RSU1: variants seen among roughly 807,000 people sequenced by gnomAD.
The protein encoded by RSU1 is Ras suppressor protein 1.
Under a neutral mutation model 31.1 loss-of-function variants are expected in RSU1, and 26 were observed. That is an observed-to-expected ratio of 0.84 (90% CI 0.61 to 1.16). The LOEUF is 1.16. Ranked by LOEUF, RSU1 falls within the 50% of genes most tolerant of loss-of-function variation. The pLI is 0.00. For synonymous variants in RSU1, 164 were observed against 136.3 expected (o/e 1.20, Z -1.41); for missense variants, 320 against 339.1 (o/e 0.94, Z 0.44).
intron 8 of RSU1, among the ~76,000 whole-genome samples, chr10:16,611,438 T>C (rs1833890219): frequency 6.6e-6 from 1 of 152,218 alleles, no homozygotes; most frequent in South Asian, 2.1e-4. Flanking sequence ...TCCCATAAAA[T>C]TTAGAAATAC....
At chr10:16,761,018 T>G (rs1837202228) in intron 4 of RSU1, among the ~76,000 whole-genome samples, 1 of 152,212 alleles carries the variant, frequency 6.6e-6, no homozygotes, top group African/African-American at 2.4e-5. Context: ...CTCAGTTCAC[T>G]GAAACCTCTG....
At chr10:16,674,990 G>A (rs1290415002) in intron 8 of RSU1, among the ~76,000 whole-genome samples, 1 of 151,830 alleles carries the variant, frequency 6.6e-6, no homozygotes, top group Non-Finnish European at 1.5e-5. Context: ...CCAAGACTGT[G>A]CCACTACACT....
rs950976347 is a variant in RSU1 at position 16,614,830 on chromosome 10, T to G, written c.732-21334A>C. Among the ~76,000 whole-genome samples, 6 of 152,018 alleles carry G rather than the reference T, an allele frequency of 3.9e-5. No individual in the cohort carries two copies. The East Asian group carries it at 7.8e-4, about 20-fold the overall frequency. On this transcript the variant is annotated intron_variant, in intron 8 of 8. Coordinates refer to ENST00000345264, the MANE Select transcript of RSU1 (RefSeq NM_012425.4). The stretch of plus-strand genomic sequence containing the variant: ...CAAGAATCGTGAACAGGTCTGAGCC[T>G]CATTTACTCATATCTAAAATGGGCA...
At chr10:16,785,431 T>TATATATATACACACATATACATATATAC in intron 2 of RSU1, among the ~76,000 whole-genome samples, 2 of 127,984 alleles carry the variant, frequency 1.6e-5, no homozygotes, top group South Asian at 4.4e-4. Context: ...TATATACATA[T>TATATATATACACACATATACATATATAC]ATATATATAC....
At chr10:16,594,811 G>T (rs1183815701) in intron 8 of RSU1, among the ~76,000 whole-genome samples, 4 of 140,442 alleles carry the variant, frequency 2.8e-5, no homozygotes. Context: ...TTGAGATGGA[G>T]TCCTATTGTG....
At chr10:16,773,979 A>G (rs755790239) in intron 3 of RSU1, among the ~76,000 whole-genome samples, 1 of 152,178 alleles carries the variant, frequency 6.6e-6, no homozygotes, top group African/African-American at 2.4e-5. Flanking sequence ...TTCAGACTGA[A>G]AACAGCAAAA....
chr10:16,748,103 T>G (rs1836895043), intron 7 of RSU1: 1 of 152,284 alleles, frequency 6.6e-6, no homozygotes, highest in African/African-American at 2.4e-5. Context: ...TTGTATCAGT[T>G]TCCTTTTGCT....
At chr10:16,659,044 C>G (rs988889279) in intron 8 of RSU1, among the ~76,000 whole-genome samples, 14 of 152,130 alleles carry the variant, frequency 9.2e-5, no homozygotes, top group Non-Finnish European at 2.1e-4. Flanking sequence ...TCATGTTTTC[C>G]TTTCTTTGAA....
chr10:16,709,230 G>A (rs1835968405), intron 7 of RSU1, among the ~76,000 whole-genome samples: 1 of 151,438 alleles, frequency 6.6e-6, no homozygotes, highest in African/African-American at 2.4e-5. Context: ...CCATCTATGA[G>A]TGAGAACATG....
chr10:16,681,734 C>T (rs1269099342), intron 8 of RSU1, among the ~76,000 whole-genome samples: 1 of 152,026 alleles, frequency 6.6e-6, no homozygotes, highest in Non-Finnish European at 1.5e-5. Flanking sequence ...AGAAAACTGA[C>T]ACTAGAAGCC....
At chr10:16,685,780 T>C (rs1036062487) in intron 8 of RSU1, among the ~76,000 whole-genome samples, 7 of 152,230 alleles carry the variant, frequency 4.6e-5, no homozygotes, top group African/African-American at 1.2e-4. Context: ...CCAGCAGGTC[T>C]CAGCCTCATT....
intron 2 of RSU1, among the ~76,000 whole-genome samples, chr10:16,790,993 G>C (rs1248066366): frequency 6.6e-6 from 1 of 152,164 alleles, no homozygotes; most frequent in Non-Finnish European, 1.5e-5. Flanking sequence ...AGCAGTGTGA[G>C]AACATACTAA....
intron 4 of RSU1, among the ~76,000 whole-genome samples, chr10:16,756,188 G>A (rs1837081364): frequency 6.6e-6 from 1 of 152,092 alleles, no homozygotes. Context: ...CTGGAGGGAG[G>A]GGGAATGGAG....
chr10:16,771,391 G>A (rs1440708593), intron 3 of RSU1, among the ~76,000 whole-genome samples: 6 of 152,148 alleles, frequency 3.9e-5, no homozygotes, highest in African/African-American at 1.4e-4. Flanking sequence ...GGGCATCCAT[G>A]GTCAAAGTAA....
intron 7 of RSU1, among the ~76,000 whole-genome samples, chr10:16,744,943 A>G (rs1344675824): frequency 6.6e-6 from 1 of 152,040 alleles, no homozygotes; most frequent in Non-Finnish European, 1.5e-5. Flanking sequence ...ACACAGGAGG[A>G]TAATTCCCAG....
chr10:16,806,670 T>C (rs773822858), intron 2 of RSU1, among the ~76,000 whole-genome samples: 3 of 152,144 alleles, frequency 2.0e-5, no homozygotes. Context: ...TAACAAAGAG[T>C]GCACAACGTT....
At chr10:16,636,299 C>G (rs1834344190) in intron 8 of RSU1, among the ~76,000 whole-genome samples, 1 of 152,082 alleles carries the variant, frequency 6.6e-6, no homozygotes, top group Non-Finnish European at 1.5e-5. Context: ...AATATTCCCC[C>G]ATCTTAGTAA....
chr10:16,719,657 A>G (rs1238640672), intron 7 of RSU1, among the ~76,000 whole-genome samples: 1 of 152,228 alleles, frequency 6.6e-6, no homozygotes, highest in Admixed American at 6.5e-5. Flanking sequence ...TGCTTTTCCA[A>G]CTGCACTGTA....
intron 8 of RSU1, among the ~76,000 whole-genome samples, chr10:16,630,396 C>T (rs1834228185): frequency 6.6e-6 from 1 of 152,198 alleles, no homozygotes; most frequent in South Asian, 2.1e-4. Context: ...CCTCTTTTGA[C>T]AAACTCACAA....
Sources: gnomAD v4.1 joint callset for allele counts (sites outside exome capture counted in the v4.1 genomes callset) on GRCh38, gnomAD v4.1.1 for gene constraint, MANE v1.5 for transcripts, NCBI Gene and HGNC (gene_info 2026-07-23, HGNC 2026-07-21) for gene names.